The following MAPK15 variants were observed in gnomAD, a reference collection of about 807,000 sequenced individuals.
MAPK15 encodes ERK-7.
MAPK15 carries 61 observed loss-of-function variants against 60.8 expected under a neutral mutation model. The observed-to-expected ratio is 1.00, with a 90% CI of 0.82 to 1.24. MAPK15 has a LOEUF of 1.24. Among genes scored for constraint, MAPK15 ranks in the 50% most tolerant of loss-of-function variants. The pLI is 0.00. For missense variants in MAPK15, 808 were observed against 741.1 expected, an observed-to-expected ratio of 1.09 and a Z score of -1.05; for synonymous variants, 356 against 319.9, an observed-to-expected ratio of 1.11 and a Z score of -1.21.
intron 2 of MAPK15, 63 bp from the exon 3 acceptor site, chr8:143,717,984 T>C: frequency 6.2e-7 from 1 of 1,610,536 alleles, no homozygotes; most frequent in Non-Finnish European, 8.5e-7. Flanking sequence ...CTTTGGGTCC[T>C]CTCAGGACAT....
rs373518212 is a variant in MAPK15 at position 143,720,196 on chromosome 8, C to A, written c.722-34C>A. The A allele has an allele frequency of 3.9e-6, 6 of 1,550,964 alleles. No individual in the cohort carries two copies. Among genetic ancestry groups the A allele is most frequent in the Admixed American group, 1.9e-5 (1 of 51,574 alleles). On this transcript the variant is annotated intron_variant, in intron 7 of 13. Transcript: ENST00000338033. This position sits in a 1 kb window ranked among gnomAD's most constrained non-coding sequence, Gnocchi z 4.6. ...CCCTGAGCCGCCCCAGCCGACCAGG[C>A]CTGCCTGGGTCACACCACCTTCTGC... is the stretch of plus-strand genomic sequence containing the variant.
chr8:143,720,652 G>A lies in MAPK15; in HGVS notation c.780-51G>A, dbSNP rs1171133825. The A allele has an allele frequency of 3.2e-6, 5 of 1,577,718 alleles. No homozygotes were observed. The highest frequency in any genetic ancestry group is 4.3e-6 in the Non-Finnish European group (5 of 1,161,878). On this transcript the variant is annotated intron_variant, in intron 8 of 13. Coordinates refer to ENST00000338033, the MANE Select transcript of MAPK15 (RefSeq NM_139021.3). The surrounding 1 kb of genome is among the most constrained non-coding windows in gnomAD (Gnocchi z 4.6). ...AGCCCCCAGCCACGAACATGGATCTGAGGAGGGGCCCTTGGGTCGGGCCCT... is the reference window on the plus strand; with the variant it reads ...AGCCCCCAGCCACGAACATGGATCTAAGGAGGGGCCCTTGGGTCGGGCCCT...
In MAPK15 at chr8:143,720,170, G is replaced by C; in HGVS notation, c.722-60G>C. On this transcript the variant is annotated intron_variant, in intron 7 of 13. Coordinates refer to ENST00000338033, the MANE Select transcript of MAPK15 (RefSeq NM_139021.3). The surrounding 1 kb of genome is among the most constrained non-coding windows in gnomAD (Gnocchi z 4.6). ...CTGGAAGAGATGACTGGCCCCAGAT[G>C]CCCTGAGCCGCCCCAGCCGACCAGG... 6.5e-7 allele frequency: 1 copy of C among 1,540,580 alleles called. No homozygotes were observed. The highest frequency in any genetic ancestry group is 2.0e-5 in the Admixed American group (1 of 50,956).
Position 143,720,629 on chromosome 8 carries a change from C to G in MAPK15, c.780-74C>G, listed in dbSNP as rs782735865. Reference sequence around the variant, plus strand: ...GGTGGACCCCAGTTTGGAAGCTGAGCCCCCAGCCACGAACATGGATCTGAG... The same window carrying G: ...GGTGGACCCCAGTTTGGAAGCTGAGGCCCCAGCCACGAACATGGATCTGAG... On this transcript the variant is annotated intron_variant, in intron 8 of 13. Coordinates refer to ENST00000338033, the MANE Select transcript of MAPK15 (RefSeq NM_139021.3). This position sits in a 1 kb window ranked among gnomAD's most constrained non-coding sequence, Gnocchi z 4.6. The G allele has an allele frequency of 6.5e-7, 1 of 1,539,464 alleles. No individual in the cohort carries two copies.
chr8:143,719,291 C>A (rs1817949897), intron 6 of MAPK15, 52 bp from the exon 7 acceptor site: 1 of 1,553,390 alleles, frequency 6.4e-7, no homozygotes, highest in Non-Finnish European at 8.7e-7. Flanking sequence ...AGCAACCCCA[C>A]CCCCACCTCT....
intron 7 of MAPK15, among the ~76,000 whole-genome samples, chr8:143,719,926 G>A (rs892363969): frequency 2.0e-5 from 3 of 152,042 alleles, no homozygotes; most frequent in South Asian, 2.1e-4. Flanking sequence ...GAGCTGCACC[G>A]CCAGGCATAG....
In MAPK15 at chr8:143,720,956, T is replaced by TC; in HGVS notation, c.918-41dup. On this transcript the variant is annotated intron_variant, in intron 9 of 13. Transcript: ENST00000338033. This position sits in a 1 kb window ranked among gnomAD's most constrained non-coding sequence, Gnocchi z 4.6. ...ACCCTGCTGTGACGGCTTGAGGGGC[T>TC]CCCTTGGCCGCAGCCCGGGCCCCAC... 1 of 1,582,580 alleles carries TC rather than the reference T, an allele frequency of 6.3e-7. No homozygotes were observed. The highest frequency in any genetic ancestry group is 8.6e-7 in the Non-Finnish European group (1 of 1,163,962).
At position 143,716,385 on chromosome 8, in the gene MAPK15, C is replaced by A. The variant is rs782125539; in HGVS notation, c.8C>A (p.Thr3Asn). Residue 3 changes from threonine (T) to asparagine (N), a missense_variant, in exon 1 of 14, where the codon ACC becomes AAC. Physicochemically the swap from Thr to Asn is moderately conservative, Grantham distance 65. Transcript: ENST00000338033. ...GCGGGCGTCCTGGCCGCCATGTGCACCGTAGTGGACCCTCGCATTGTCCGG... is the reference window on the plus strand; with the variant it reads ...GCGGGCGTCCTGGCCGCCATGTGCAACGTAGTGGACCCTCGCATTGTCCGG... The part of the protein sequence containing the change: MC[T>N]VVDPRIVRRY... 2 of 1,599,782 alleles carry A rather than the reference C, an allele frequency of 1.3e-6. No homozygotes were observed. The highest frequency in any genetic ancestry group is 2.2e-5 in the South Asian group (2 of 88,996).
chr8:143,720,776 CT>C lies in MAPK15; in HGVS notation c.854del (p.Leu285ArgfsTer9), dbSNP rs782381418. On this transcript the variant is annotated frameshift_variant, in exon 9 of 14. Coordinates refer to ENST00000338033, the MANE Select transcript of MAPK15 (RefSeq NM_139021.3). LOFTEE classifies it high-confidence loss of function. This position sits in a 1 kb window ranked among gnomAD's most constrained non-coding sequence, Gnocchi z 4.6. ...PEALDLLRRL[L>X]VFAPDKRLSA... Reference sequence around the variant, plus strand: ...GGCCTTGGACCTCCTTAGGCGACTCCTGGTGTTCGCCCCGGACAAGCGGTTA... The same window carrying C: ...GGCCTTGGACCTCCTTAGGCGACTCCGGTGTTCGCCCCGGACAAGCGGTTA... The C allele has an allele frequency of 6.2e-6, 10 of 1,613,770 alleles. No homozygotes were observed. The Admixed American group carries it at 1.7e-4, about 27-fold the overall frequency.
In MAPK15 at chr8:143,722,104, G is replaced by T; in HGVS notation, c.1488G>T (p.Arg496=). 1 of 1,612,366 alleles carries T rather than the reference G, an allele frequency of 6.2e-7. No individual in the cohort carries two copies. The change falls in exon 14 of 14, where the codon CGG becomes CGT. Residue 496 remains arginine, a synonymous_variant. Coordinates refer to ENST00000338033, the MANE Select transcript of MAPK15 (RefSeq NM_139021.3). ...QVPPRLPPEA[R]PGRRMFSTSA... ...CTCCCCGGCTTCCTCCGGAGGCCCGGCCCGGCCGGAGGATGTTCAGCACCT... is the reference window on the plus strand; with the variant it reads ...CTCCCCGGCTTCCTCCGGAGGCCCGTCCCGGCCGGAGGATGTTCAGCACCT...
rs781875603 is a variant in MAPK15, at chr8:143,721,659, T to A, written c.1315T>A (p.Leu439Met). Residue 439 changes from leucine to methionine, a missense_variant, in exon 12 of 14, where the codon TTG (leucine) becomes ATG (methionine). Coordinates refer to ENST00000338033, the MANE Select transcript of MAPK15 (RefSeq NM_139021.3). The stretch of plus-strand genomic sequence containing the variant: ...CCCTGGGGCGAAGGAAGCGCCCCCC[T>A]TGACACTCTCGCTGGTAAGTCATGG... Reference protein sequence around the residue: ...RPPGAKEAPPLTLSLVKPSGR... With the variant: ...RPPGAKEAPPMTLSLVKPSGR... The A allele has an allele frequency of 2.1e-5, 33 of 1,609,032 alleles. No homozygotes were observed. In the South Asian group the frequency reaches 3.6e-4, roughly 18 times the overall value.
At chr8:143,721,149 C>G in intron 10 of MAPK15, 44 bp downstream of exon 10, 1 of 1,597,178 alleles carries the variant, frequency 6.3e-7, no homozygotes, top group South Asian at 1.1e-5. Flanking sequence ...CTACTGCACC[C>G]TGGAGGCTGC....
rs1176040885 is a variant in MAPK15 at position 143,719,032 on chromosome 8, C to T, written c.457C>T (p.Leu153=). The change falls in exon 6 of 14, where the codon CTG becomes TTG. Residue 153 remains leucine (L), a synonymous_variant. Coordinates refer to ENST00000338033, the MANE Select transcript of MAPK15 (RefSeq NM_139021.3). ...VLLDANCTVK[L]CDFGLARSLG... is the part of the protein sequence containing the mutation. The stretch of plus-strand genomic sequence containing the variant: ...CCTGGATGCCAACTGCACAGTGAAG[C>T]TGTGTGACTTTGGCCTGGCCCGCTC... The T allele has an allele frequency of 1.2e-6, 2 of 1,603,984 alleles. No homozygotes were observed. The highest frequency in any genetic ancestry group is 1.1e-5 in the South Asian group (1 of 89,518).
At position 143,721,058 on chromosome 8, in the gene MAPK15, G is replaced by C. The variant is rs782213458; in HGVS notation, c.976G>C (p.Glu326Gln). The C allele has an allele frequency of 6.2e-7, 1 of 1,612,136 alleles. No individual in the cohort carries two copies. The highest frequency in any genetic ancestry group is 8.5e-7 in the Non-Finnish European group (1 of 1,179,652). ...GGCAGATGTGCGGCCCCGGGCACAC[G>C]AAGGGGTCCAGCTCTCTGTGCCTGA... The part of the protein sequence containing the change: ...READVRPRAH[E>Q]GVQLSVPEYR... The change falls in exon 10 of 14, where the codon GAA (glutamate) becomes CAA (glutamine). Residue 326 changes from glutamate (E) to glutamine (Q), a missense_variant. Physicochemically the swap from Glu to Gln is conservative, Grantham distance 29. Transcript: ENST00000338033.
At position 143,718,027 on chromosome 8, in the gene MAPK15, C is replaced by T; in HGVS notation, c.166-20C>T. ...CTTCTTGCTCCACCCACCCACACACCTGTGTTTCTGTCTCTTCAGAGAACA... is the reference window on the plus strand; with the variant it reads ...CTTCTTGCTCCACCCACCCACACACTTGTGTTTCTGTCTCTTCAGAGAACA... On this transcript the variant is annotated intron_variant, in intron 2 of 13. Transcript: ENST00000338033. 1 of 1,614,080 alleles carries T rather than the reference C, an allele frequency of 6.2e-7. No individual in the cohort carries two copies.
chr8:143,719,481 G>C lies in MAPK15; in HGVS notation c.720G>C (p.Glu240Asp), dbSNP rs1183861827. ...AGACCATCCCACCGCCATCTGAGGA[G>C]GGTGAGCCAGGCTGCTGGGGCTGGG... ...ILETIPPPSE[E>D]DLLALGSGCR... Residue 240 changes from glutamate to aspartate, a missense_variant and splice_region_variant, in exon 7 of 14, where the codon GAG (glutamate) becomes GAC (aspartate). Glu to Asp is a conservative substitution (Grantham distance 45). Coordinates refer to ENST00000338033, the MANE Select transcript of MAPK15 (RefSeq NM_139021.3). 1 of 1,605,942 alleles carries C rather than the reference G, an allele frequency of 6.2e-7. No individual in the cohort carries two copies. The highest frequency in any genetic ancestry group is 8.5e-7 in the Non-Finnish European group (1 of 1,177,802).
At position 143,717,803 on chromosome 8, in the gene MAPK15, G is replaced by A. The variant is rs200950451; in HGVS notation, c.165+11G>A. 4.4e-6 allele frequency: 7 copies of A among 1,606,254 alleles called. No homozygotes were observed. The African/African-American group carries it at 5.3e-5, about 12-fold the overall frequency. ...AAGACAGATGCCCAGGTGAGTGTGT[G>A]GGGAGAAGCGTGGGAGAGGATGGGG... On this transcript the variant is annotated intron_variant, in intron 2 of 13. Coordinates refer to ENST00000338033, the MANE Select transcript of MAPK15 (RefSeq NM_139021.3).
At position 143,718,775 on chromosome 8, in the gene MAPK15, A is replaced by G; in HGVS notation, c.287A>G (p.Asp96Gly). The change falls in exon 5 of 14, where the codon GAC (aspartate) becomes GGC (glycine). Residue 96 changes from aspartate (D) to glycine (G), a missense_variant and splice_region_variant. Physicochemically the swap from Asp to Gly is moderately conservative, Grantham distance 94 (BLOSUM62 -1). Coordinates refer to ENST00000338033, the MANE Select transcript of MAPK15 (RefSeq NM_139021.3). ...RDIYLVFEFM[D>G]TDLNAVIRKG... Reference sequence around the variant, plus strand: ...ACTGCAGTGCGCACCCTCTCTGCAGACACTGACCTGAACGCAGTCATCCGG... The same window carrying G: ...ACTGCAGTGCGCACCCTCTCTGCAGGCACTGACCTGAACGCAGTCATCCGG... 2 of 1,367,644 alleles carry G rather than the reference A, an allele frequency of 1.5e-6. No homozygotes were observed. Among genetic ancestry groups the G allele is most frequent in the Non-Finnish European group, 1.9e-6 (2 of 1,031,634 alleles). The allele number at this position is 1,367,644 out of a possible 1,614,324, so 84.7% of individuals were successfully genotyped here.
rs115331421 is a variant in MAPK15, at chr8:143,719,579, A to G, written c.721+97A>G. The G allele has an allele frequency of 2.0e-3, 2,945 of 1,457,050 alleles. 54 individuals carry two copies. The African/African-American group carries it at 0.037, about 18-fold the overall frequency. The allele number at this position is 1,457,050 out of a possible 1,614,324, so 90.3% of individuals were successfully genotyped here. A position where few individuals can be genotyped will look rare whatever the true frequency, so the allele number is the denominator to read the frequency against. On this transcript the variant is annotated intron_variant, in intron 7 of 13. Coordinates refer to ENST00000338033, the MANE Select transcript of MAPK15 (RefSeq NM_139021.3). ...GCTGACAGGCTAGGACTGTGCTGAGAGGAGGGACGGGGACAGGGAGGATCC... is the reference window on the plus strand; with the variant it reads ...GCTGACAGGCTAGGACTGTGCTGAGGGGAGGGACGGGGACAGGGAGGATCC...
Sources: allele counts gnomAD v4.1 joint callset (sites outside exome capture counted in the v4.1 genomes callset), GRCh38; gene constraint gnomAD v4.1.1; non-coding constraint Gnocchi (gnomAD v3.1); transcripts MANE v1.5; gene names NCBI Gene and HGNC (gene_info 2026-07-23, HGNC 2026-07-21).